SYT3: variants seen among roughly 807,000 people sequenced by gnomAD.
SYT3 encodes synaptotagmin 3, also known as synaptotagmin-3.
SYT3 carries 25 observed loss-of-function variants against 50.6 expected under a neutral mutation model. That is an observed-to-expected ratio of 0.49 (90% CI 0.36 to 0.69). SYT3 has a LOEUF of 0.69. Among genes scored for constraint, SYT3 ranks in the 30% least tolerant of loss-of-function variants. The pLI is 0.00. For missense variants in SYT3, 589 were observed against 793.6 expected, an observed-to-expected ratio of 0.74 and a Z score of 3.10; for synonymous variants, 323 against 353.9, an observed-to-expected ratio of 0.91 and a Z score of 0.98.
At chr19:50,641,652 C>CCTGG (rs1361160480), upstream of SYT3, among the ~76,000 whole-genome samples, 6 of 151,904 alleles carry the variant, frequency 3.9e-5, no homozygotes, top group Non-Finnish European at 7.4e-5. Flanking sequence ...TCAAGACCAG[C>CCTGG]CTGGGCAACA....
rs573261546 is a variant in SYT3, at chr19:50,639,558, C to T, written c.-154+232G>A. 3.8e-3 allele frequency among the ~76,000 whole-genome samples: 571 copies of T among 152,128 alleles called. 5 individuals carry two copies. The highest frequency in any genetic ancestry group is 6.5e-3 in the Non-Finnish European group (441 of 67,952). On this transcript the variant is annotated intron_variant, in intron 1 of 10. Transcript: ENST00000600079. The surrounding 1 kb of genome is among the most constrained non-coding windows in gnomAD (Gnocchi z 4.6). ...GCCACGGAATGAGGAAACGATCCCC[C>T]CGCGCTGGGGATCGGTGGGCGAGGG...
At chr19:50,648,926 G>A in the SYT3 span, among the ~76,000 whole-genome samples, 1 of 151,950 alleles carries the variant, frequency 6.6e-6, no homozygotes, top group Admixed American at 6.6e-5. Flanking sequence ...ACTGGTGAGA[G>A]GTGGGAAGAC....
chr19:50,631,720 G>A (rs545766299), intron 4 of SYT3, among the ~76,000 whole-genome samples: 5 of 151,836 alleles, frequency 3.3e-5, no homozygotes, highest in East Asian at 1.9e-4. Context: ...TCCCAGTTGC[G>A]GTTCCCTGAG....
At position 50,639,775 on chromosome 19, in the gene SYT3, G is replaced by A. The variant is rs1984616723; in HGVS notation, c.-154+15C>T. ...GCTGGGGCTGTGGCAGGAGGAGGGG[G>A]AGGAGCGGACTCACCCGGAGCCGCC... On this transcript the variant is annotated intron_variant, in intron 1 of 10. Coordinates refer to ENST00000600079, the MANE Select transcript of SYT3 (RefSeq NM_001160329.2). This position sits in a 1 kb window ranked among gnomAD's most constrained non-coding sequence, Gnocchi z 4.6. 6.5e-6 allele frequency: 1 copy of A among 153,012 alleles called. No individual in the cohort carries two copies. The allele number at this position is 153,012 out of a possible 1,614,324, so 9.5% of individuals were successfully genotyped here.
chr19:50,626,282 G>T, intron 6 of SYT3: 1 of 419,786 alleles, frequency 2.4e-6, no homozygotes, highest in Non-Finnish European at 4.4e-6. Context: ...AGACAGAGAA[G>T]GTGAGAGAGA....
In SYT3 at chr19:50,625,770, AGACCCAGGAG is replaced by A; in HGVS notation, c.1402+117_1402+126del. 21 of 665,642 alleles carry A rather than the reference AGACCCAGGAG, an allele frequency of 3.2e-5. 2 individuals are homozygous for A. Among genetic ancestry groups the A allele is most frequent in the South Asian group, 7.1e-5 (4 of 56,256 alleles). The allele number at this position is 665,642 out of a possible 1,614,324, so 41.2% of individuals were successfully genotyped here. A position where few individuals can be genotyped will look rare whatever the true frequency, so the allele number is the denominator to read the frequency against. On this transcript the variant is annotated intron_variant, in intron 7 of 10. Transcript: ENST00000600079. This position sits in a 1 kb window ranked among gnomAD's most constrained non-coding sequence, Gnocchi z 7.5. ...CCAGGCCCCTGGCCCCTCCTCCCTC[AGACCCAGGAG>A]TCCAGATCCCCAGCTCCTCCTCCCT...
the SYT3 span, among the ~76,000 whole-genome samples, chr19:50,648,962 G>A: frequency 1.3e-5 from 2 of 151,764 alleles, no homozygotes; most frequent in Non-Finnish European, 2.9e-5. Context: ...GGGTTAGGGA[G>A]AGGCAGAAAA....
intron 3 of SYT3, among the ~76,000 whole-genome samples, chr19:50,634,019 T>C (rs984226628): frequency 1.3e-5 from 2 of 152,266 alleles, no homozygotes; most frequent in African/African-American, 4.8e-5. Context: ...GCTGCCACTA[T>C]GTGCGTCCAA....
upstream of SYT3, chr19:50,639,939 G>A (rs1013434312): frequency 6.5e-6 from 1 of 152,910 alleles, no homozygotes; most frequent in Non-Finnish European, 1.5e-5. This position sits in a 1 kb window ranked among gnomAD's most constrained non-coding sequence, Gnocchi z 4.6. Flanking sequence ...CCGAACCCGC[G>A]GCAAGAAAGC....
upstream of SYT3, among the ~76,000 whole-genome samples, chr19:50,643,718 T>C (rs1047364407): frequency 6.6e-6 from 1 of 152,084 alleles, no homozygotes; most frequent in Non-Finnish European, 1.5e-5. Flanking sequence ...ATTTTTTTTT[T>C]TAGACAGCAG....
Position 50,632,617 on chromosome 19 carries a change from G to A in SYT3, c.343C>T (p.His115Tyr). The A allele has an allele frequency of 6.3e-7, 1 of 1,578,140 alleles. No homozygotes were observed. Among genetic ancestry groups the A allele is most frequent in the Non-Finnish European group, 8.6e-7 (1 of 1,162,310 alleles). ...CCACCCAGGCCAGCCGCCAGGTGGT[G>A]CCCGCCTCCGCCTACCAGGCCTGCC... is the stretch of plus-strand genomic sequence containing the variant. ...GLAGLVGGGG[H>Y]HLAAGLGGHP... The change falls in exon 4 of 11, where the codon CAC becomes TAC. Residue 115 changes from histidine to tyrosine, a missense_variant. By Grantham distance (83) the His-to-Tyr change is moderately conservative (BLOSUM62 2). Around this residue, in one of 2 missense-constraint regions of SYT3, gnomAD observed 316 missense variants for 354.3 expected, o/e 0.89. Coordinates refer to ENST00000600079, the MANE Select transcript of SYT3 (RefSeq NM_001160329.2). This position sits in a 1 kb window ranked among gnomAD's most constrained non-coding sequence, Gnocchi z 4.7.
chr19:50,647,865 A>G, the SYT3 span, among the ~76,000 whole-genome samples: 3 of 152,156 alleles, frequency 2.0e-5, no homozygotes, highest in Non-Finnish European at 2.9e-5. Context: ...CTGAGATAAA[A>G]TTGCCAGCTG....
chr19:50,625,360 C>G lies in SYT3; in HGVS notation c.1574+33G>C. ...AGGGCCTGTCCCCACCCCAGCCCTC[C>G]TGCCTGACCCCCGCCCGGGCCGCGC... On this transcript the variant is annotated intron_variant, in intron 8 of 10. Coordinates refer to ENST00000600079, the MANE Select transcript of SYT3 (RefSeq NM_001160329.2). The surrounding 1 kb of genome is among the most constrained non-coding windows in gnomAD (Gnocchi z 7.5). 1 of 1,540,992 alleles carries G rather than the reference C, an allele frequency of 6.5e-7. No individual in the cohort carries two copies. Among genetic ancestry groups the G allele is most frequent in the Non-Finnish European group, 8.7e-7 (1 of 1,144,650 alleles).
Position 50,625,410 on chromosome 19 carries a change from G to A in SYT3, c.1557C>T (p.Ala519=), listed in dbSNP as rs751067488. Reference sequence around the variant, plus strand: ...CCCCTCACCAGTCGTAGTCTACCACGGCGATGCTGAGCCCCACGTTCTCCA... The same window carrying A: ...CCCCTCACCAGTCGTAGTCTACCACAGCGATGCTGAGCCCCACGTTCTCCA... The part of the protein sequence containing the change: ...ESVENVGLSI[A]VVDYDCIGHN... The change falls in exon 8 of 11, where the codon GCC becomes GCT. Residue 519 remains alanine (A), a synonymous_variant. Transcript: ENST00000600079. The surrounding 1 kb of genome is among the most constrained non-coding windows in gnomAD (Gnocchi z 7.5). The A allele has an allele frequency of 5.1e-6, 8 of 1,553,766 alleles. No homozygotes were observed. In the African/African-American group the frequency reaches 8.2e-5, roughly 16 times the overall value.
intron 6 of SYT3, among the ~76,000 whole-genome samples, chr19:50,628,183 C>T (rs1322471496): frequency 6.6e-6 from 1 of 152,220 alleles, no homozygotes; most frequent in Non-Finnish European, 1.5e-5. Flanking sequence ...ACAGCTACCC[C>T]AGATTGGCAG....
At chr19:50,635,636 A>AT (rs1984472568) in intron 3 of SYT3, among the ~76,000 whole-genome samples, 1 of 152,236 alleles carries the variant, frequency 6.6e-6, no homozygotes, top group Non-Finnish European at 1.5e-5. Context: ...TAACACTGTG[A>AT]TATATGCTGG....
chr19:50,649,456 G>A, the SYT3 span: 3 of 1,536,102 alleles, frequency 2.0e-6, no homozygotes, highest in Non-Finnish European at 1.7e-6. Context: ...TGCAGCCAGA[G>A]GTGGAGCCCG....
upstream of SYT3, among the ~76,000 whole-genome samples, chr19:50,644,608 G>A (rs886191383): frequency 3.9e-5 from 6 of 151,914 alleles, no homozygotes; most frequent in Non-Finnish European, 7.4e-5. Flanking sequence ...GGATGAATGA[G>A]TCAGTGGTTG....
chr19:50,629,213 G>A (rs1984183988), intron 6 of SYT3, 81 bp downstream of exon 6: 3 of 1,124,328 alleles, frequency 2.7e-6, no homozygotes, highest in Non-Finnish European at 3.8e-6. Flanking sequence ...AGGAAGTTAT[G>A]AACTCTGAGG....
Sources: gnomAD v4.1 joint callset for allele counts (sites outside exome capture counted in the v4.1 genomes callset) on GRCh38, gnomAD v4.1.1 for gene constraint, gnomAD v4.1.1 regional missense constraint, Gnocchi (gnomAD v3.1) non-coding constraint, MANE v1.5 for transcripts, NCBI Gene and HGNC (gene_info 2026-07-23, HGNC 2026-07-21) for gene names.